Variants in EIF4E3 observed in about 807,000 individuals in gnomAD.
EIF4E3 encodes the protein eukaryotic translation initiation factor 4E type 3.
A neutral mutation model predicts 31.7 loss-of-function variants in EIF4E3; 26 were observed. That is an observed-to-expected ratio of 0.82 (90% confidence interval 0.60 to 1.14). EIF4E3 has a LOEUF of 1.14. EIF4E3 is among the 50% of genes most tolerant of loss of function. The pLI, the probability that EIF4E3 is intolerant of heterozygous loss-of-function variation, is 0.00. For synonymous variants in EIF4E3, 128 were observed against 107.7 expected, an observed-to-expected ratio of 1.19 and a Z score of -1.17; for missense variants, 304 against 270.9, an observed-to-expected ratio of 1.12 and a Z score of -0.86.
upstream of EIF4E3, chr3:71,725,432 C>T (rs1416432271): frequency 4.3e-6 from 4 of 920,838 alleles, no homozygotes; most frequent in East Asian, 2.6e-4. This position sits in a 1 kb window ranked among gnomAD's most constrained non-coding sequence, Gnocchi z 6.1. Flanking sequence ...GCTGAGTCAC[C>T]CCCGGCCCCC....
At chr3:71,707,154 G>A (rs557656774) in intron 2 of EIF4E3, among the ~76,000 whole-genome samples, 1 of 152,270 alleles carries the variant, frequency 6.6e-6, no homozygotes, top group East Asian at 1.9e-4. Flanking sequence ...GACAAATTAT[G>A]GCAGATGATT....
chr3:71,687,803 C>T (rs987276324), intron 6 of EIF4E3, among the ~76,000 whole-genome samples: 1 of 152,198 alleles, frequency 6.6e-6, no homozygotes, highest in African/African-American at 2.4e-5. Flanking sequence ...TCTACAGTCA[C>T]CTGGCTTATG....
rs377607217 is a variant in EIF4E3, at chr3:71,693,923, A to G, written c.424T>C (p.Leu142=). 5.7e-6 allele frequency: 9 copies of G among 1,584,598 alleles called. No individual in the cohort carries two copies. Among genetic ancestry groups the G allele is most frequent in the Middle Eastern group, 3.3e-4 (2 of 5,988 alleles). ...KDSTSTVWKE[L]LLATIGEQFT... ...TGTTCCCCGATGGTTGCTAACAGCA[A>G]CTCTTTCCAAACTGTGGACTGATAT... Residue 142 remains leucine (L), a synonymous_variant, in exon 5 of 7, where the codon TTG becomes CTG. Coordinates refer to ENST00000425534, the MANE Select transcript of EIF4E3 (RefSeq NM_001134651.2).
At chr3:71,703,339 A>C (rs1342163002) in intron 2 of EIF4E3, among the ~76,000 whole-genome samples, 1 of 152,222 alleles carries the variant, frequency 6.6e-6, no homozygotes, top group Non-Finnish European at 1.5e-5. Flanking sequence ...GAGGCAGGGA[A>C]GACACCTGTC....
chr3:71,730,052 G>T (rs2049688754), upstream of EIF4E3, among the ~76,000 whole-genome samples: 2 of 152,316 alleles, frequency 1.3e-5, no homozygotes, highest in Admixed American at 6.5e-5. Flanking sequence ...AGTGCCGGTA[G>T]GTACAGGGCA....
At chr3:71,691,171 G>A (rs1031375580) in intron 5 of EIF4E3, among the ~76,000 whole-genome samples, 2 of 152,264 alleles carry the variant, frequency 1.3e-5, no homozygotes, top group South Asian at 4.1e-4. Context: ...TATGTAATAC[G>A]TGAGAGATAA....
At position 71,690,085 on chromosome 3, in the gene EIF4E3, C is replaced by G; in HGVS notation, c.553G>C (p.Val185Leu). The change falls in exon 6 of 7, where the codon GTG becomes CTG. Residue 185 changes from valine to leucine, a missense_variant. Coordinates refer to ENST00000425534, the MANE Select transcript of EIF4E3 (RefSeq NM_001134651.2). ...VQVWNVNASLVGEATVLEKIY... is the reference protein window; with the variant it reads ...VQVWNVNASLLGEATVLEKIY... Reference sequence around the variant, plus strand: ...TTTTCTAAAACAGTCGCTTCACCCACTAAAGAGGCATTTACATTCCAGACT... The same window carrying G: ...TTTTCTAAAACAGTCGCTTCACCCAGTAAAGAGGCATTTACATTCCAGACT... 1 of 1,613,876 alleles carries G rather than the reference C, an allele frequency of 6.2e-7. No homozygotes were observed. The highest frequency in any genetic ancestry group is 8.5e-7 in the Non-Finnish European group (1 of 1,179,952).
At chr3:71,748,403 T>C (rs565941014) in intron 1 of EIF4E3, among the ~76,000 whole-genome samples, 15 of 152,248 alleles carry the variant, frequency 9.9e-5, no homozygotes, top group African/African-American at 3.4e-4. Flanking sequence ...TATAATTACA[T>C]TGTCCAGAAG....
chr3:71,750,740 G>T (rs1376399966), intron 1 of EIF4E3, among the ~76,000 whole-genome samples: 2 of 151,464 alleles, frequency 1.3e-5, no homozygotes, highest in Non-Finnish European at 2.9e-5. Context: ...GGAAACATAG[G>T]GAGACCCCAT....
chr3:71,754,455 G>A (rs1253250467), upstream of EIF4E3: 9 of 1,335,794 alleles, frequency 6.7e-6, no homozygotes, highest in East Asian at 1.3e-4. This position sits in a 1 kb window ranked among gnomAD's most constrained non-coding sequence, Gnocchi z 5.8. Flanking sequence ...GCGCCTGGCC[G>A]GCTGGCCGTG....
At chr3:71,752,439 G>C (rs1039479423) in intron 1 of EIF4E3, among the ~76,000 whole-genome samples, 1 of 152,024 alleles carries the variant, frequency 6.6e-6, no homozygotes, top group Non-Finnish European at 1.5e-5. Context: ...CTAAAGTTTC[G>C]ACTTCTTAGC....
At chr3:71,720,848 G>C (rs1201965714) in intron 1 of EIF4E3, among the ~76,000 whole-genome samples, 1 of 152,206 alleles carries the variant, frequency 6.6e-6, no homozygotes, top group African/African-American at 2.4e-5. Flanking sequence ...AGGGCATGGA[G>C]AGAGGAAAAT....
chr3:71,689,351 C>T (rs1263344892), intron 6 of EIF4E3, among the ~76,000 whole-genome samples: 1 of 152,178 alleles, frequency 6.6e-6, no homozygotes, highest in Non-Finnish European at 1.5e-5. Flanking sequence ...ATCTACCAAA[C>T]ATTGGTTTAA....
rs545874139 is a variant in EIF4E3, at chr3:71,682,699, A to T, written c.*1983T>A. ...CTTTGTGTGCTAGTCATGTTCCATG[A>T]TCATAAACAGAAACTAGAAATATTA... On this transcript the variant is annotated 3_prime_UTR_variant, in exon 7 of 7. Transcript: ENST00000425534. 2.0e-5 allele frequency: 3 copies of T among 152,800 alleles called. No homozygotes were observed. In the South Asian group the frequency reaches 6.2e-4, roughly 32 times the overall value. The allele number at this position is 152,800 out of a possible 1,614,324, so 9.5% of individuals were successfully genotyped here.
chr3:71,746,080 T>C (rs912252247), intron 1 of EIF4E3, among the ~76,000 whole-genome samples: 1 of 152,190 alleles, frequency 6.6e-6, no homozygotes, highest in Middle Eastern at 3.2e-3. Flanking sequence ...ATCATCCCAA[T>C]AGATTTTCTT....
the EIF4E3 span, among the ~76,000 whole-genome samples, chr3:71,666,871 G>A: frequency 1.3e-5 from 2 of 152,118 alleles, no homozygotes; most frequent in African/African-American, 4.8e-5. Context: ...CTCGGGAGGT[G>A]GAGGTTGCAG....
Position 71,679,304 on chromosome 3 carries a change from A to C in EIF4E3, c.*5378T>G, listed in dbSNP as rs527541322. The C allele has an allele frequency of 6.6e-6, 1 of 152,234 alleles. No homozygotes were observed. The highest frequency in any genetic ancestry group is 1.5e-5 in the Non-Finnish European group (1 of 68,036). The allele number at this position is 152,234 out of a possible 1,614,324, so 9.4% of individuals were successfully genotyped here. ...CTCAATTTACTTCATGTTCAGTTCT[A>C]TAATGCAAAGTTGACACTTTAATAG... On this transcript the variant is annotated 3_prime_UTR_variant, in exon 7 of 7. Transcript: ENST00000425534.
rs777928474 is a variant in EIF4E3, at chr3:71,710,093, C to T, written c.249+319G>A. ...GGCACTGGCAGAGCTGGAGTTTGAA[C>T]AGGAACACAGATAAAGATCTTGAAA... is the stretch of plus-strand genomic sequence containing the variant. On this transcript the variant is annotated intron_variant, in intron 2 of 6. Coordinates refer to ENST00000425534, the MANE Select transcript of EIF4E3 (RefSeq NM_001134651.2). Among the ~76,000 whole-genome samples the T allele has an allele frequency of 3.9e-5, 6 of 152,162 alleles. 1 individual carries two copies. The highest frequency in any genetic ancestry group is 2.0e-4 in the Admixed American group (3 of 15,280).
chr3:71,710,602 GGA>G, intron 1 of EIF4E3, 118 bp from the exon 2 acceptor site: 1 of 892,790 alleles, frequency 1.1e-6, no homozygotes, highest in African/African-American at 1.7e-5. Context: ...CCACAGGACT[GGA>G]CATTTTGGGG....
Sources: gnomAD v4.1 joint callset for allele counts (sites outside exome capture counted in the v4.1 genomes callset) on GRCh38, gnomAD v4.1.1 for gene constraint, Gnocchi (gnomAD v3.1) non-coding constraint, MANE v1.5 for transcripts, NCBI Gene and HGNC (gene_info 2026-07-23, HGNC 2026-07-21) for gene names.